The following FAM135B variants were observed in gnomAD, a reference collection of about 807,000 sequenced individuals.
FAM135B encodes family with sequence similarity 135 member B.
In FAM135B, 43 loss-of-function variants were observed where a neutral mutation model predicts 127.7. The observed-to-expected ratio is 0.34, with a 90% CI of 0.26 to 0.43. FAM135B has a LOEUF of 0.43. Among genes scored for constraint, FAM135B ranks in the 20% least tolerant of loss-of-function variants. FAM135B has a pLI of 1.00. For synonymous variants in FAM135B, 670 were observed against 665.1 expected (o/e 1.01, Z -0.11); for missense variants, 1,558 against 1,725.6 (o/e 0.90, Z 1.72).
At chr8:138,407,646 A>C (rs1039628429) in intron 1 of FAM135B, among the ~76,000 whole-genome samples, 1 of 152,206 alleles carries the variant, frequency 6.6e-6, no homozygotes. Context: ...TGAGAAAAAC[A>C]AGCAGTGGGG....
Position 138,178,615 on chromosome 8 carries a change from G to A in FAM135B, c.949C>T (p.Leu317=), listed in dbSNP as rs1312055298. The part of the protein sequence containing the change: ...LAWLTSHMMT[L]WTQFLDTVTL... ...ACTGTGTCCAGGAACTGGGTCCACA[G>A]AGTCATCATGTGGGACGTGAGCCAG... is the stretch of plus-strand genomic sequence containing the variant. Residue 317 remains leucine, a synonymous_variant, in exon 10 of 20, where the codon CTG becomes TTG. Coordinates refer to ENST00000395297, the MANE Select transcript of FAM135B (RefSeq NM_015912.4). The A allele has an allele frequency of 6.2e-7, 1 of 1,614,016 alleles. No individual in the cohort carries two copies. Among genetic ancestry groups the A allele is most frequent in the Non-Finnish European group, 8.5e-7 (1 of 1,179,930 alleles).
chr8:138,430,742 G>A (rs1358220602), intron 1 of FAM135B, among the ~76,000 whole-genome samples: 4 of 152,214 alleles, frequency 2.6e-5, no homozygotes, highest in African/African-American at 9.6e-5. Flanking sequence ...ACTTGTGAAA[G>A]AGCAACTGGG....
At chr8:138,326,579 A>G (rs972746371) in intron 2 of FAM135B, among the ~76,000 whole-genome samples, 1 of 152,152 alleles carries the variant, frequency 6.6e-6, no homozygotes, top group Non-Finnish European at 1.5e-5. Context: ...GCAAAACCAG[A>G]ACCTGCAACC....
chr8:138,198,339 C>T (rs1400629180), intron 7 of FAM135B, among the ~76,000 whole-genome samples: 3 of 152,184 alleles, frequency 2.0e-5, no homozygotes, highest in African/African-American at 4.8e-5. Context: ...TTATAAATTA[C>T]CCAGCCTTGG....
intron 2 of FAM135B, among the ~76,000 whole-genome samples, chr8:138,327,643 G>A (rs1412384567): frequency 1.3e-5 from 2 of 152,170 alleles, no homozygotes; most frequent in Non-Finnish European, 2.9e-5. Flanking sequence ...ATTGAACATT[G>A]CTGAGGACAA....
intron 12 of FAM135B, among the ~76,000 whole-genome samples, chr8:138,155,094 C>G (rs1339848117): frequency 6.6e-6 from 1 of 152,228 alleles, no homozygotes; most frequent in African/African-American, 2.4e-5. Context: ...AACAGTGGAT[C>G]TCTCAGCAAC....
chr8:138,167,857 C>T (rs375890468), intron 12 of FAM135B, 38 bp downstream of exon 12: 4 of 1,575,650 alleles, frequency 2.5e-6, no homozygotes, highest in Non-Finnish European at 3.5e-6. Context: ...CACTGGAAAG[C>T]CTTATTCCTG....
chr8:138,421,148 A>G (rs374495314), intron 1 of FAM135B, among the ~76,000 whole-genome samples: 2 of 152,116 alleles, frequency 1.3e-5, no homozygotes, highest in East Asian at 3.9e-4. Context: ...TGTCTCTAGT[A>G]AAAATACAAA....
intron 7 of FAM135B, among the ~76,000 whole-genome samples, chr8:138,214,639 ATAGT>A (rs987588018): frequency 4.6e-5 from 7 of 152,196 alleles, no homozygotes; most frequent in African/African-American, 1.7e-4. Context: ...TCTAAAATAC[ATAGT>A]TAGCCAGATG....
At chr8:138,251,756 G>A (rs1271422677) in intron 5 of FAM135B, among the ~76,000 whole-genome samples, 1 of 152,156 alleles carries the variant, frequency 6.6e-6, no homozygotes, top group Non-Finnish European at 1.5e-5. Context: ...AAAACCTGGG[G>A]CCACGTTCGC....
chr8:138,232,247 T>TG (rs35441828), intron 7 of FAM135B, among the ~76,000 whole-genome samples: 18 of 151,996 alleles, frequency 1.2e-4, no homozygotes, highest in African/African-American at 2.4e-4. Context: ...AAGGACATAG[T>TG]GGGGGGGAGC....
intron 2 of FAM135B, among the ~76,000 whole-genome samples, chr8:138,324,353 T>C (rs1036807948): frequency 6.6e-6 from 1 of 152,222 alleles, no homozygotes; most frequent in Non-Finnish European, 1.5e-5. Flanking sequence ...TTTAAATAAT[T>C]GAGGAATTCC....
At chr8:138,275,367 T>C (rs1823738087) in intron 3 of FAM135B, among the ~76,000 whole-genome samples, 1 of 152,196 alleles carries the variant, frequency 6.6e-6, no homozygotes, top group African/African-American at 2.4e-5. Flanking sequence ...TCTTACCACC[T>C]ATTTGTCTAC....
chr8:138,383,602 G>A (rs763333127), intron 1 of FAM135B, among the ~76,000 whole-genome samples: 2 of 152,198 alleles, frequency 1.3e-5, no homozygotes, highest in Non-Finnish European at 2.9e-5. Flanking sequence ...ATACTTCAAT[G>A]CTTCTTTCGT....
intron 1 of FAM135B, among the ~76,000 whole-genome samples, chr8:138,472,816 A>C (rs1392715810): frequency 2.0e-5 from 3 of 152,166 alleles, no homozygotes; most frequent in Non-Finnish European, 4.4e-5. Flanking sequence ...GCGCTAGTAG[A>C]TGCAGGTATC....
At chr8:138,320,809 T>A (rs1419162234) in intron 2 of FAM135B, among the ~76,000 whole-genome samples, 2 of 152,178 alleles carry the variant, frequency 1.3e-5, no homozygotes, top group Non-Finnish European at 2.9e-5. Context: ...AAAATAAAGA[T>A]TTCCCCAAAC....
intron 1 of FAM135B, among the ~76,000 whole-genome samples, chr8:138,455,356 G>A (rs1378119530): frequency 6.6e-6 from 1 of 152,066 alleles, no homozygotes; most frequent in Non-Finnish European, 1.5e-5. Context: ...ATTAACCAGG[G>A]TTTCATATTC....
intron 2 of FAM135B, among the ~76,000 whole-genome samples, chr8:138,351,233 C>T (rs144701687): frequency 9.2e-4 from 140 of 152,240 alleles, no homozygotes; most frequent in African/African-American, 3.2e-3. Context: ...CAGAATGTGG[C>T]ATTATTTGGA....
intron 3 of FAM135B, among the ~76,000 whole-genome samples, chr8:138,296,235 T>C (rs1342849832): frequency 6.6e-6 from 1 of 152,138 alleles, no homozygotes; most frequent in Non-Finnish European, 1.5e-5. Context: ...TCACACAGCC[T>C]CAGAAGGCCT....
Sources: allele counts gnomAD v4.1 joint callset (sites outside exome capture counted in the v4.1 genomes callset), GRCh38; gene constraint gnomAD v4.1.1; transcripts MANE v1.5; gene names NCBI Gene and HGNC (gene_info 2026-07-23, HGNC 2026-07-21).